Variants in CLVS1 observed in about 807,000 individuals in gnomAD.
CLVS1 encodes clavesin 1, also known as clavesin-1.
In CLVS1, 10 loss-of-function variants were observed where a neutral mutation model predicts 33.1. That is an observed-to-expected ratio of 0.30 (90% CI 0.19 to 0.51). The LOEUF (loss-of-function observed/expected upper bound fraction) is 0.51, where lower values mean the gene tolerates loss of function less well. Ranked by LOEUF, CLVS1 falls within the 20% of genes least tolerant of loss-of-function variation. The pLI, the probability that CLVS1 is intolerant of heterozygous loss-of-function variation, is 0.97. For synonymous variants in CLVS1, 163 were observed against 166.1 expected (o/e 0.98, Z 0.14); for missense variants, 343 against 433.4 (o/e 0.79, Z 1.85).
chr8:61,109,088 C>T (rs146780474), intron 1 of CLVS1, among the ~76,000 whole-genome samples: 16 of 152,074 alleles, frequency 1.1e-4, no homozygotes, highest in Non-Finnish European at 2.2e-4. Flanking sequence ...CTGGTGTGAT[C>T]GGGGAGAGGG....
the CLVS1 span, among the ~76,000 whole-genome samples, chr8:60,988,823 G>GT: frequency 6.6e-6 from 1 of 152,276 alleles, no homozygotes; most frequent in African/African-American, 2.4e-5. Context: ...ACATGTAAAT[G>GT]TTTTTTCCAG....
chr8:61,483,697 C>G (rs1803757239), intron 5 of CLVS1, among the ~76,000 whole-genome samples: 1 of 152,174 alleles, frequency 6.6e-6, no homozygotes, highest in African/African-American at 2.4e-5. Context: ...CAAAAATCCT[C>G]AATAAAATAC....
At chr8:61,205,807 T>C (rs753512071) in intron 2 of CLVS1, among the ~76,000 whole-genome samples, 2 of 152,212 alleles carry the variant, frequency 1.3e-5, no homozygotes, top group Non-Finnish European at 2.9e-5. Context: ...TCCTCTTGGG[T>C]GTGAGAGAAG....
the CLVS1 span, among the ~76,000 whole-genome samples, chr8:61,026,517 A>AG: frequency 6.6e-6 from 1 of 152,196 alleles, no homozygotes; most frequent in African/African-American, 2.4e-5. Flanking sequence ...GCCTGCAGGC[A>AG]GGGAGATGTG....
chr8:61,463,857 G>A (rs948591665), intron 5 of CLVS1, among the ~76,000 whole-genome samples: 3 of 151,784 alleles, frequency 2.0e-5, no homozygotes, highest in East Asian at 1.9e-4. Flanking sequence ...GTCTGAGCTC[G>A]GGAGTTCAAG....
At chr8:61,177,165 C>A (rs1807129713) in intron 2 of CLVS1, among the ~76,000 whole-genome samples, 1 of 152,320 alleles carries the variant, frequency 6.6e-6, no homozygotes, top group Admixed American at 6.5e-5. Context: ...GGATAATGGA[C>A]CTCTTGGTCC....
the CLVS1 span, among the ~76,000 whole-genome samples, chr8:60,966,749 C>T: frequency 1.3e-5 from 2 of 152,108 alleles, no homozygotes; most frequent in Non-Finnish European, 2.9e-5. Flanking sequence ...AGAAATAGGA[C>T]AGTATTTATA....
chr8:61,290,295 C>G (rs1809938364), intron 1 of CLVS1, among the ~76,000 whole-genome samples: 2 of 152,126 alleles, frequency 1.3e-5, no homozygotes, highest in Admixed American at 1.3e-4. Flanking sequence ...TTATGCTGAG[C>G]TTATTAATTT....
chr8:61,112,219 C>T (rs1004178795), intron 1 of CLVS1, among the ~76,000 whole-genome samples: 8 of 133,968 alleles, frequency 6.0e-5, no homozygotes, highest in East Asian at 2.1e-4. Context: ...CACACACACA[C>T]GCACAGAGAC....
intron 2 of CLVS1, among the ~76,000 whole-genome samples, chr8:61,252,307 T>A (rs1343721077): frequency 5.9e-5 from 9 of 152,190 alleles, no homozygotes; most frequent in Non-Finnish European, 1.3e-4. Flanking sequence ...TCCATTCTTT[T>A]GTATTTGCTG....
At chr8:61,068,718 G>C (rs923438719) in intron 1 of CLVS1, among the ~76,000 whole-genome samples, 7 of 152,136 alleles carry the variant, frequency 4.6e-5, no homozygotes, top group Non-Finnish European at 8.8e-5. Context: ...CCAGCCAGGG[G>C]AGATAAGGTG....
chr8:61,348,871 C>T (rs796922640), intron 2 of CLVS1, among the ~76,000 whole-genome samples: 5 of 152,228 alleles, frequency 3.3e-5, no homozygotes, highest in Admixed American at 1.3e-4. Context: ...TCTCCATATC[C>T]TTGCTAACAC....
intron 3 of CLVS1, among the ~76,000 whole-genome samples, chr8:61,404,033 A>G (rs2094010633): frequency 6.6e-6 from 1 of 152,226 alleles, no homozygotes; most frequent in Non-Finnish European, 1.5e-5. Flanking sequence ...GAATGGGAAT[A>G]AGCAGAGTGA....
In CLVS1 at chr8:61,316,485, G is replaced by A. The variant is rs569018019; in HGVS notation, c.455+16203G>A. On this transcript the variant is annotated intron_variant, in intron 2 of 5. Transcript: ENST00000325897. ...GTATAATTCTGTGGCATACTGGGGA[G>A]GCAAATATCCTATTGGGATAGTATT... is the stretch of plus-strand genomic sequence containing the variant. Among the ~76,000 whole-genome samples the A allele has an allele frequency of 2.6e-5, 4 of 152,238 alleles. No homozygotes were observed. In the South Asian group the frequency reaches 8.3e-4, roughly 32 times the overall value.
At chr8:61,195,507 T>C (rs541334203) in intron 2 of CLVS1, among the ~76,000 whole-genome samples, 17 of 152,176 alleles carry the variant, frequency 1.1e-4, no homozygotes, top group African/African-American at 1.9e-4. Context: ...GCTTTTTTTT[T>C]CCCTATGATG....
intron 2 of CLVS1, among the ~76,000 whole-genome samples, chr8:61,141,058 T>C (rs1806299230): frequency 6.6e-6 from 1 of 152,190 alleles, no homozygotes; most frequent in South Asian, 2.1e-4. Flanking sequence ...AATTTTATTA[T>C]TTCACTTATC....
At chr8:61,374,714 C>T (rs1050446919) in intron 2 of CLVS1, among the ~76,000 whole-genome samples, 1 of 152,104 alleles carries the variant, frequency 6.6e-6, no homozygotes, top group Non-Finnish European at 1.5e-5. Flanking sequence ...GTATTAAGCA[C>T]CATTTTCTAT....
At chr8:61,165,837 G>T (rs1806851533) in intron 2 of CLVS1, among the ~76,000 whole-genome samples, 1 of 152,160 alleles carries the variant, frequency 6.6e-6, no homozygotes, top group Non-Finnish European at 1.5e-5. Flanking sequence ...TACAGAGTTT[G>T]ACTCTTTTTG....
intron 3 of CLVS1, among the ~76,000 whole-genome samples, chr8:61,434,765 A>G (rs1816253619): frequency 6.6e-6 from 1 of 152,234 alleles, no homozygotes; most frequent in Admixed American, 6.5e-5. Flanking sequence ...CAGACTTCAC[A>G]GAGAGCACAG....
Sources: allele counts gnomAD v4.1 joint callset (sites outside exome capture counted in the v4.1 genomes callset), GRCh38; gene constraint gnomAD v4.1.1; transcripts MANE v1.5; gene names NCBI Gene and HGNC (gene_info 2026-07-23, HGNC 2026-07-21).